GRID2: variants seen among roughly 807,000 people sequenced by gnomAD.
GRID2 encodes glutamate receptor ionotropic, delta-2.
In GRID2, 33 loss-of-function variants were observed where a neutral mutation model predicts 114.8. The ratio of observed to expected loss-of-function variants is 0.29; its 90% confidence interval spans 0.22 to 0.38. The LOEUF (loss-of-function observed/expected upper bound fraction) is 0.38. Ranked by LOEUF, GRID2 falls within the 10% of genes least tolerant of loss-of-function variation. The pLI is 1.00. For synonymous variants in GRID2, 505 were observed against 449.9 expected, an observed-to-expected ratio of 1.12 and a Z score of -1.55; for missense variants, 1,184 against 1,257.7, an observed-to-expected ratio of 0.94 and a Z score of 0.89.
chr4:92,746,109 C>A (rs139295164), intron 2 of GRID2, among the ~76,000 whole-genome samples: 329 of 152,214 alleles, frequency 2.2e-3, no homozygotes, highest in Non-Finnish European at 3.6e-3. Flanking sequence ...ACAATGATTT[C>A]ACTTTACTTC....
chr4:93,124,163 G>C (rs975147113), intron 4 of GRID2, among the ~76,000 whole-genome samples: 1 of 151,424 alleles, frequency 6.6e-6, no homozygotes, highest in Non-Finnish European at 1.5e-5. Flanking sequence ...GGCAGTGTTT[G>C]TCTATTGCTG....
At chr4:92,708,778 TA>T (rs894161213) in intron 2 of GRID2, among the ~76,000 whole-genome samples, 15 of 152,186 alleles carry the variant, frequency 9.9e-5, no homozygotes, top group Admixed American at 6.5e-4. Context: ...CGCAAAAAAT[TA>T]GCCAGGCATG....
chr4:92,598,527 G>T (rs150386744), intron 2 of GRID2, among the ~76,000 whole-genome samples: 3 of 151,912 alleles, frequency 2.0e-5, no homozygotes, highest in South Asian at 2.1e-4. Flanking sequence ...CATTTACCTC[G>T]CAGGGAAAAA....
Position 93,515,408 on chromosome 4 carries a change from A to G in GRID2, c.2190A>G (p.Gln730=), listed in dbSNP as rs1443596427. ...NNVLESQAGI[Q]KVKYGNYAFV... ...TTCTGGAGTCCCAGGCAGGCATTCA[A>G]AAGGTACTGTCCATGGTTCTCCTTT... The change falls in exon 13 of 16, where the codon CAA becomes CAG. Residue 730 remains glutamine, a synonymous_variant. Transcript: ENST00000282020. The G allele has an allele frequency of 1.9e-6, 3 of 1,599,804 alleles. No homozygotes were observed. Among genetic ancestry groups the G allele is most frequent in the Non-Finnish European group, 2.6e-6 (3 of 1,167,796 alleles).
intron 14 of GRID2, among the ~76,000 whole-genome samples, chr4:93,737,159 A>T (rs1461632602): frequency 6.6e-6 from 1 of 152,104 alleles, no homozygotes; most frequent in Non-Finnish European, 1.5e-5. Context: ...AAGCTCAAAG[A>T]GTGTTAGTTC....
At chr4:93,553,365 T>C (rs1733972992) in intron 13 of GRID2, among the ~76,000 whole-genome samples, 1 of 152,230 alleles carries the variant, frequency 6.6e-6, no homozygotes, top group African/African-American at 2.4e-5. Flanking sequence ...TTGATTTGGA[T>C]TAACTGTGTT....
chr4:92,862,161 A>G (rs1441109260), intron 2 of GRID2, among the ~76,000 whole-genome samples: 1 of 152,064 alleles, frequency 6.6e-6, no homozygotes, highest in Non-Finnish European at 1.5e-5. Context: ...CAAGCATTTC[A>G]GGACCTTTCT....
chr4:92,507,415 T>TTGTGTGTGTGTGTGTG (rs70940902), intron 1 of GRID2, among the ~76,000 whole-genome samples: 5 of 149,244 alleles, frequency 3.4e-5, no homozygotes, highest in African/African-American at 1.2e-4. Flanking sequence ...TCGTGTATAA[T>TTGTGTGTGTGTGTGTG]TGTGTGTGTG....
chr4:92,611,094 GTGTGTGTGTATATGTGTGTGTA>G (rs1560488071), intron 2 of GRID2, among the ~76,000 whole-genome samples: 1 of 146,772 alleles, frequency 6.8e-6, no homozygotes, highest in Admixed American at 6.9e-5. Flanking sequence ...GTATATATAT[GTGTGTGTGTATATGTGTGTGTA>G]TGTGTGTGTG....
intron 2 of GRID2, chr4:92,838,711 A>G (rs1349527249): frequency 6.6e-6 from 1 of 152,118 alleles, no homozygotes; most frequent in Non-Finnish European, 1.5e-5. Context: ...GACATAAAGC[A>G]TTAGACTGTT....
chr4:92,941,416 C>A (rs561073614), intron 2 of GRID2, among the ~76,000 whole-genome samples: 1 of 152,136 alleles, frequency 6.6e-6, no homozygotes, highest in South Asian at 2.1e-4. Flanking sequence ...GTGGTGATAT[C>A]CCCTTTATCA....
At position 93,788,506 on chromosome 4, in the gene GRID2, C is replaced by CAT. The variant is rs1011087570; in HGVS notation, c.222-18197_222-18196dup. ...GTATATATATACACACACATATGTA[C>CAT]ATATATATATATAAACATGACATTG... On this transcript the variant is annotated intron_variant, in intron 1 of 1. Transcript: ENST00000637838. 1.1e-4 allele frequency among the ~76,000 whole-genome samples: 16 copies of CAT among 151,176 alleles called. No individual in the cohort carries two copies. In the East Asian group the frequency reaches 1.2e-3, roughly 11 times the overall value.
intron 1 of GRID2, among the ~76,000 whole-genome samples, chr4:92,398,370 G>A (rs1579296438): frequency 6.6e-6 from 1 of 151,962 alleles, no homozygotes; most frequent in Admixed American, 6.6e-5. Context: ...GTGTAATCAC[G>A]GCTCATTGCA....
At chr4:93,375,552 A>G (rs978587270) in intron 8 of GRID2, among the ~76,000 whole-genome samples, 1 of 147,688 alleles carries the variant, frequency 6.8e-6, no homozygotes, top group Non-Finnish European at 1.5e-5. Flanking sequence ...TCTGGAATGT[A>G]TGTTTCCCTC....
At chr4:92,821,817 G>A (rs1440961987) in intron 2 of GRID2, among the ~76,000 whole-genome samples, 1 of 152,102 alleles carries the variant, frequency 6.6e-6, no homozygotes, top group Non-Finnish European at 1.5e-5. Context: ...AAGCAGTCCG[G>A]CAACTCAAGC....
At chr4:92,376,190 G>A (rs1041538064) in intron 1 of GRID2, among the ~76,000 whole-genome samples, 5 of 151,988 alleles carry the variant, frequency 3.3e-5, no homozygotes, top group African/African-American at 7.3e-5. Context: ...GGCACCTGAA[G>A]TCCCAGCTAC....
In GRID2 at chr4:92,877,437, T is replaced by C. The variant is rs559465591; in HGVS notation, c.245-207558T>C. On this transcript the variant is annotated intron_variant, in intron 2 of 15. Coordinates refer to ENST00000282020, the MANE Select transcript of GRID2 (RefSeq NM_001510.4). ...AATATGAAGCTCTGAAGTAACTTTG[T>C]AACTGTGCTGAGTCCGTGAAGGAGG... Among the ~76,000 whole-genome samples, 10 of 152,344 alleles carry C rather than the reference T, an allele frequency of 6.6e-5. No individual in the cohort carries two copies. The South Asian group carries it at 1.9e-3, about 28-fold the overall frequency.
chr4:93,460,114 A>G (rs1340113194), intron 11 of GRID2, among the ~76,000 whole-genome samples: 2 of 152,198 alleles, frequency 1.3e-5, no homozygotes, highest in Non-Finnish European at 2.9e-5. Flanking sequence ...ACATACTTGC[A>G]TATATACCCA....
At chr4:93,227,800 A>G (rs1318133690) in intron 7 of GRID2, among the ~76,000 whole-genome samples, 2 of 152,188 alleles carry the variant, frequency 1.3e-5, no homozygotes, top group African/African-American at 2.4e-5. Flanking sequence ...TTGTTACTTT[A>G]CAGCAAGGAT....
Sources: gnomAD v4.1 joint callset for allele counts (sites outside exome capture counted in the v4.1 genomes callset) on GRCh38, gnomAD v4.1.1 for gene constraint, MANE v1.5 for transcripts, NCBI Gene and HGNC (gene_info 2026-07-23, HGNC 2026-07-21) for gene names.